RTN4IP1: variants seen among roughly 807,000 people sequenced by gnomAD.
The protein encoded by RTN4IP1 is reticulon 4 interacting protein 1.
A neutral mutation model predicts 46.6 loss-of-function variants in RTN4IP1; 32 were observed. The ratio of observed to expected loss-of-function variants is 0.69; its 90% CI spans 0.52 to 0.92. The LOEUF is 0.92. RTN4IP1 is among the 40% of genes least tolerant of loss of function. The pLI, the probability that RTN4IP1 is intolerant of heterozygous loss-of-function variation, is 0.00. For missense variants in RTN4IP1, 424 were observed against 485.8 expected, an observed-to-expected ratio of 0.87 and a Z score of 1.20; for synonymous variants, 167 against 161.8, an observed-to-expected ratio of 1.03 and a Z score of -0.24.
At chr6:106,581,333 A>G (rs1047416059) in intron 8 of RTN4IP1, among the ~76,000 whole-genome samples, 1 of 152,274 alleles carries the variant, frequency 6.6e-6, no homozygotes, top group African/African-American at 2.4e-5. Context: ...AATGAGAATC[A>G]TGAAGCGCTC....
chr6:106,621,298 T>C, intron 3 of RTN4IP1, 127 bp downstream of exon 3: 1 of 679,110 alleles, frequency 1.5e-6, no homozygotes, highest in Non-Finnish European at 2.5e-6. Flanking sequence ...ATTCCTATAT[T>C]CTATATTATC....
intron 5 of RTN4IP1, among the ~76,000 whole-genome samples, chr6:106,602,287 G>C (rs1440957194): frequency 6.6e-6 from 1 of 151,784 alleles, no homozygotes; most frequent in East Asian, 1.9e-4. Flanking sequence ...CAAAAAAAAA[G>C]CAGTTGCATT....
intron 8 of RTN4IP1, among the ~76,000 whole-genome samples, chr6:106,572,780 TTGTTTTTTC>T (rs958880483): frequency 1.3e-4 from 18 of 143,746 alleles, no homozygotes; most frequent in South Asian, 4.3e-4. Context: ...AGTTTTTTTT[TTGTTTTTTC>T]TTTGTTTTTA....
At chr6:106,613,781 C>A (rs1487667739) in intron 4 of RTN4IP1, among the ~76,000 whole-genome samples, 1 of 152,168 alleles carries the variant, frequency 6.6e-6, no homozygotes, top group Admixed American at 6.5e-5. Flanking sequence ...GAAACATTTA[C>A]AGTCTATTCT....
rs768360140 is a variant in RTN4IP1 at position 106,571,946 on chromosome 6, C to T, written c.*50G>A. The T allele has an allele frequency of 3.6e-6, 5 of 1,407,980 alleles. No individual in the cohort carries two copies. The highest frequency in any genetic ancestry group is 3.0e-6 in the Non-Finnish European group (3 of 996,494). The allele number at this position is 1,407,980 out of a possible 1,614,324, so 87.2% of individuals were successfully genotyped here. On this transcript the variant is annotated 3_prime_UTR_variant, in exon 9 of 9. Coordinates refer to ENST00000369063, the MANE Select transcript of RTN4IP1 (RefSeq NM_032730.5). ...ATGGCTAGAAAAAAATTTGGGCTCACAGGCACTCACCAAATAAGAACGTCA... is the reference window on the plus strand; with the variant it reads ...ATGGCTAGAAAAAAATTTGGGCTCATAGGCACTCACCAAATAAGAACGTCA...
chr6:106,587,163 G>GA (rs1268623816), intron 7 of RTN4IP1, among the ~76,000 whole-genome samples: 1 of 152,190 alleles, frequency 6.6e-6, no homozygotes, highest in Non-Finnish European at 1.5e-5. Flanking sequence ...CCCAGTCTGG[G>GA]AATCACTGGT....
chr6:106,592,429 T>G, intron 5 of RTN4IP1, 129 bp from the exon 6 acceptor site: 1 of 933,774 alleles, frequency 1.1e-6, no homozygotes, highest in South Asian at 1.8e-5. Flanking sequence ...TTTAAGTACG[T>G]CATCTTAACC....
At chr6:106,619,101 G>T in intron 4 of RTN4IP1, 101 bp downstream of exon 4, 3 of 1,326,602 alleles carry the variant, frequency 2.3e-6, no homozygotes, top group Non-Finnish European at 3.2e-6. Context: ...CTCTGTTCGT[G>T]TAAATGATAC....
In RTN4IP1 at chr6:106,628,844, T is replaced by C; in HGVS notation, c.178A>G (p.Thr60Ala). 6.2e-7 allele frequency: 1 copy of C among 1,614,138 alleles called. No homozygotes were observed. The highest frequency in any genetic ancestry group is 8.5e-7 in the Non-Finnish European group (1 of 1,180,002). Residue 60 changes from threonine (T) to alanine (A), a missense_variant, in exon 1 of 9, where the codon ACT (threonine) becomes GCT (alanine). Coordinates refer to ENST00000369063, the MANE Select transcript of RTN4IP1 (RefSeq NM_032730.5). ...KYGKNEVLRF[T>A]QNMMMPIIHY... ...ATGATAGGCATCATCATGTTCTGAG[T>C]GAATCGAAGCACTTCATTCTTCCCA...
At chr6:106,576,336 A>T (rs1775225256) in intron 8 of RTN4IP1, among the ~76,000 whole-genome samples, 1 of 152,176 alleles carries the variant, frequency 6.6e-6, no homozygotes, top group Non-Finnish European at 1.5e-5. Context: ...GGTACCCCTA[A>T]AAAATGCACT....
upstream of RTN4IP1, chr6:106,629,825 T>A (rs1030013523): frequency 1.4e-5 from 17 of 1,217,050 alleles, no homozygotes; most frequent in Middle Eastern, 1.9e-4. Context: ...CCTCTAGAAC[T>A]GAGTGGGGGA....
At position 106,592,303 on chromosome 6, in the gene RTN4IP1, G is replaced by GC. The variant is rs780058008; in HGVS notation, c.670-4dup. Reference sequence around the variant, plus strand: ...TGAGCATCCCATGCTTTCATTACCTGCCCCCCACCAAAAAGAAAAAAAGAA... The same window carrying GC: ...TGAGCATCCCATGCTTTCATTACCTGCCCCCCCACCAAAAAGAAAAAAAGAA... On this transcript the variant is annotated splice_polypyrimidine_tract_variant and splice_region_variant and intron_variant, in intron 5 of 8. Coordinates refer to ENST00000369063, the MANE Select transcript of RTN4IP1 (RefSeq NM_032730.5). The GC allele has an allele frequency of 6.9e-6, 11 of 1,603,276 alleles. No individual in the cohort carries two copies. The highest frequency in any genetic ancestry group is 1.4e-5 in the African/African-American group (1 of 73,894).
chr6:106,616,065 T>C (rs1776347615), intron 4 of RTN4IP1, among the ~76,000 whole-genome samples: 1 of 152,132 alleles, frequency 6.6e-6, no homozygotes, highest in Non-Finnish European at 1.5e-5. Context: ...ACTACATGTG[T>C]GTGCCAACAC....
chr6:106,611,347 A>G (rs1776219520), intron 4 of RTN4IP1, among the ~76,000 whole-genome samples: 1 of 152,238 alleles, frequency 6.6e-6, no homozygotes, highest in Admixed American at 6.5e-5. Context: ...AAACAGACAT[A>G]TATGGCCTTC....
At chr6:106,601,115 T>C (rs1204132212) in intron 5 of RTN4IP1, among the ~76,000 whole-genome samples, 1 of 152,192 alleles carries the variant, frequency 6.6e-6, no homozygotes, top group Admixed American at 6.5e-5. Context: ...GTTTGCTTTT[T>C]ATTGTAAGAC....
rs6940963 is a variant in RTN4IP1, at chr6:106,572,314, C to T, written c.1084-211G>A. 0.84 allele frequency: 471,549 copies of T among 559,100 alleles called. 202,391 individuals are homozygous for T. Among genetic ancestry groups the T allele is most frequent in the Non-Finnish European group, 0.89 (277,879 of 312,556 alleles). The allele number at this position is 559,100 out of a possible 1,614,324, so 34.6% of individuals were successfully genotyped here. On this transcript the variant is annotated intron_variant, in intron 8 of 8. Coordinates refer to ENST00000369063, the MANE Select transcript of RTN4IP1 (RefSeq NM_032730.5). ...TTCTCTCTTTATGGCCCCTCCCACC[C>T]CACTGCCCAGTCTTACTTCTCCTCC... is the stretch of plus-strand genomic sequence containing the variant.
At chr6:106,617,248 T>C (rs1776378539) in intron 4 of RTN4IP1, among the ~76,000 whole-genome samples, 1 of 152,214 alleles carries the variant, frequency 6.6e-6, no homozygotes, top group African/African-American at 2.4e-5. Context: ...AAGGTCTCAC[T>C]GTGCTCACTG....
chr6:106,583,551 G>A, intron 7 of RTN4IP1, 131 bp from the exon 8 acceptor site: 1 of 673,326 alleles, frequency 1.5e-6, no homozygotes, highest in South Asian at 1.8e-5. Context: ...CAAAATGTGT[G>A]CACAGCACCT....
intron 4 of RTN4IP1, among the ~76,000 whole-genome samples, chr6:106,607,342 A>G (rs1225341845): frequency 6.6e-6 from 1 of 152,144 alleles, no homozygotes; most frequent in African/African-American, 2.4e-5. Context: ...TATAGGTAAG[A>G]CTTCAAAAGC....
Sources: allele counts gnomAD v4.1 joint callset (sites outside exome capture counted in the v4.1 genomes callset), GRCh38; gene constraint gnomAD v4.1.1; transcripts MANE v1.5; gene names NCBI Gene and HGNC (gene_info 2026-07-23, HGNC 2026-07-21).